POFUT3: variants seen among roughly 807,000 people sequenced by gnomAD.
POFUT3 encodes protein O-fucosyltransferase 3, also known as GDP-fucose protein O-fucosyltransferase 3.
At chr8:33,456,502 C>T in the POFUT3 span, among the ~76,000 whole-genome samples, 6 of 151,934 alleles carry the variant, frequency 3.9e-5, no homozygotes, top group East Asian at 3.9e-4. Context: ...GGATTACAAA[C>T]GCAGGCCACC....
At chr8:33,364,566 C>A in the POFUT3 span, among the ~76,000 whole-genome samples, 1 of 152,174 alleles carries the variant, frequency 6.6e-6, no homozygotes, top group African/African-American at 2.4e-5. Flanking sequence ...TAAGCAACTT[C>A]AGCAAAGTCT....
the POFUT3 span, among the ~76,000 whole-genome samples, chr8:33,337,784 T>A: frequency 6.6e-6 from 1 of 152,234 alleles, no homozygotes; most frequent in East Asian, 1.9e-4. Context: ...TTACTAGGGC[T>A]GTCGTAACAA....
chr8:33,356,205 T>G, the POFUT3 span, among the ~76,000 whole-genome samples: 1 of 152,188 alleles, frequency 6.6e-6, no homozygotes, highest in Admixed American at 6.5e-5. Flanking sequence ...GATGGCTGGG[T>G]CAAATGGTAT....
At chr8:33,374,256 G>T in the POFUT3 span, among the ~76,000 whole-genome samples, 1 of 152,160 alleles carries the variant, frequency 6.6e-6, no homozygotes, top group African/African-American at 2.4e-5. Context: ...GGTCTCTGGT[G>T]CCAAAAAGGT....
At chr8:33,334,551 G>A in the POFUT3 span, among the ~76,000 whole-genome samples, 14 of 152,114 alleles carry the variant, frequency 9.2e-5, no homozygotes, top group Non-Finnish European at 1.8e-4. Context: ...ACACTGGTCC[G>A]GGACACGGTC....
chr8:33,438,597 G>A, the POFUT3 span, among the ~76,000 whole-genome samples: 88,950 of 152,008 alleles, frequency 0.59, 26,342 homozygotes, highest in African/African-American at 0.63. Context: ...CCCCCACACC[G>A]TACCAGTCTG....
the POFUT3 span, among the ~76,000 whole-genome samples, chr8:33,383,199 C>T: frequency 6.6e-6 from 1 of 152,102 alleles, no homozygotes; most frequent in African/African-American, 2.4e-5. Context: ...GGTTCACTCC[C>T]CTACTCCTCC....
chr8:33,470,137 T>C, the POFUT3 span, among the ~76,000 whole-genome samples: 6 of 149,676 alleles, frequency 4.0e-5, no homozygotes, highest in African/African-American at 4.9e-5. Flanking sequence ...TCGTGGCTCA[T>C]GCCTGCAATC....
chr8:33,441,619 G>A, the POFUT3 span, among the ~76,000 whole-genome samples: 2 of 151,874 alleles, frequency 1.3e-5, no homozygotes, highest in African/African-American at 2.4e-5. Context: ...GAGCTCAACC[G>A]ATCTGCCCTC....
chr8:33,385,680 G>A, the POFUT3 span, among the ~76,000 whole-genome samples: 5 of 152,050 alleles, frequency 3.3e-5, no homozygotes, highest in Admixed American at 6.5e-5. Context: ...TCAGGAGTTC[G>A]AGATCAGCCT....
the POFUT3 span, among the ~76,000 whole-genome samples, chr8:33,390,333 C>T: frequency 6.6e-6 from 1 of 152,080 alleles, no homozygotes; most frequent in South Asian, 2.1e-4. Context: ...ACTATCATTT[C>T]TCATTTTACG....
chr8:33,402,559 C>T, the POFUT3 span, among the ~76,000 whole-genome samples: 1 of 152,168 alleles, frequency 6.6e-6, no homozygotes, highest in Non-Finnish European at 1.5e-5. Context: ...ATACATGTCT[C>T]ATCACTGAAA....
the POFUT3 span, among the ~76,000 whole-genome samples, chr8:33,386,830 A>C: frequency 1.3e-5 from 2 of 152,152 alleles, no homozygotes; most frequent in African/African-American, 2.4e-5. Flanking sequence ...GCTATTTACC[A>C]ACGCCAGCAT....
At chr8:33,316,910 T>C in the POFUT3 span, among the ~76,000 whole-genome samples, 1 of 152,114 alleles carries the variant, frequency 6.6e-6, no homozygotes, top group Non-Finnish European at 1.5e-5. Flanking sequence ...ACTGTAATTA[T>C]TCTGTCTGAT....
At chr8:33,325,490 T>G in the POFUT3 span, among the ~76,000 whole-genome samples, 1 of 152,160 alleles carries the variant, frequency 6.6e-6, no homozygotes, top group Non-Finnish European at 1.5e-5. Context: ...CCATGATACG[T>G]TAATTTATTT....
At chr8:33,429,470 G>C in the POFUT3 span, among the ~76,000 whole-genome samples, 1 of 152,104 alleles carries the variant, frequency 6.6e-6, no homozygotes, top group Non-Finnish European at 1.5e-5. Flanking sequence ...AATCAACTTT[G>C]GCTTCTTTCT....
At chr8:33,321,780 A>C in the POFUT3 span, among the ~76,000 whole-genome samples, 1 of 152,110 alleles carries the variant, frequency 6.6e-6, no homozygotes, top group South Asian at 2.1e-4. Context: ...CTCCTAGGAA[A>C]ATAACTCTTC....
At chr8:33,371,417 C>T in the POFUT3 span, 1 of 152,332 alleles carries the variant, frequency 6.6e-6, no homozygotes, top group East Asian at 1.9e-4. Context: ...AGCAAGCACT[C>T]GTCAATTCCC....
the POFUT3 span, among the ~76,000 whole-genome samples, chr8:33,412,722 G>A: frequency 3.9e-5 from 6 of 152,142 alleles, no homozygotes; most frequent in South Asian, 2.1e-4. Flanking sequence ...CTGCCTCCTG[G>A]GTTCAAATGA....
Sources: gnomAD v4.1 joint callset for allele counts (sites outside exome capture counted in the v4.1 genomes callset) on GRCh38, gnomAD v4.1.1 for gene constraint, MANE v1.5 for transcripts, NCBI Gene and HGNC (gene_info 2026-07-23, HGNC 2026-07-21) for gene names.